CUBN: variants seen among roughly 807,000 people sequenced by gnomAD.
CUBN encodes the protein 460 kDa receptor.
Under a neutral mutation model 405.3 loss-of-function variants are expected in CUBN, and 282 were observed. That is an observed-to-expected ratio of 0.70 (90% CI 0.63 to 0.77). The LOEUF (loss-of-function observed/expected upper bound fraction) is 0.77. Among genes scored for constraint, CUBN ranks in the 30% least tolerant of loss-of-function variants. The pLI is 0.00. For synonymous variants in CUBN, 1,684 were observed against 1,617.0 expected (o/e 1.04, Z -0.99); for missense variants, 4,514 against 4,475.2 (o/e 1.01, Z -0.25).
At chr10:17,026,208 T>C (rs1384701934) in intron 27 of CUBN, among the ~76,000 whole-genome samples, 4 of 152,164 alleles carry the variant, frequency 2.6e-5, no homozygotes, top group African/African-American at 9.7e-5. Flanking sequence ...TTAGGGTGAT[T>C]GTTAAAAATG....
chr10:17,000,239 T>C (rs1159293531), intron 28 of CUBN, among the ~76,000 whole-genome samples: 4 of 152,232 alleles, frequency 2.6e-5, no homozygotes, highest in African/African-American at 9.6e-5. Context: ...TAAGCGAGTT[T>C]GTATAACTAA....
intron 51 of CUBN, among the ~76,000 whole-genome samples, chr10:16,903,497 C>T (rs1479390160): frequency 6.6e-6 from 1 of 151,638 alleles, no homozygotes; most frequent in African/African-American, 2.4e-5. Context: ...GAAGTTTACA[C>T]AGAAAGATCA....
chr10:17,123,631 T>C lies in CUBN; in HGVS notation c.446A>G (p.Asn149Ser), dbSNP rs1163267892. The C allele has an allele frequency of 1.2e-6, 2 of 1,614,066 alleles. No individual in the cohort carries two copies. Among genetic ancestry groups the C allele is most frequent in the South Asian group, 1.1e-5 (1 of 91,018 alleles). Residue 149 changes from asparagine (N) to serine (S), a missense_variant, in exon 5 of 67, where the codon AAT becomes AGT. Asn to Ser is a conservative substitution (Grantham distance 46). This residue lies in a region of CUBN where 1,448 missense variants were observed against 1,388.0 expected (regional missense o/e 1.04). Transcript: ENST00000377833. ...NPCQNGGTCLNLHDSFFCICP... is the reference protein window; with the variant it reads ...NPCQNGGTCLSLHDSFFCICP... ...GATACAAAAAAAGGAATCATGCAGA[T>C]TGAGGCAGGTTCCACCATTCTGGCA...
chr10:16,874,591 A>G (rs1006655091), intron 57 of CUBN, 88 bp from the exon 58 acceptor site: 1 of 1,508,026 alleles, frequency 6.6e-7, no homozygotes, highest in Non-Finnish European at 9.2e-7. Flanking sequence ...ACTATTGTAC[A>G]TTTTTCCCTA....
intron 62 of CUBN, among the ~76,000 whole-genome samples, chr10:16,837,841 G>T (rs756777783): frequency 4.6e-5 from 7 of 152,110 alleles, no homozygotes; most frequent in Non-Finnish European, 7.4e-5. Context: ...ACATTATTCA[G>T]TCATGACAAA....
At chr10:16,905,752 T>C (rs1401910343) in intron 50 of CUBN, among the ~76,000 whole-genome samples, 1 of 152,146 alleles carries the variant, frequency 6.6e-6, no homozygotes, top group Admixed American at 6.6e-5. Flanking sequence ...CAGAGTTCTT[T>C]TGGATCGTGT....
rs1242139354 is a variant in CUBN, at chr10:16,831,312, T to G, written c.10468A>C (p.Lys3490Gln). The change falls in exon 65 of 67, where the codon AAG (lysine) becomes CAG (glutamine). Residue 3490 changes from lysine to glutamine, a missense_variant. Lys to Gln is a moderately conservative substitution (Grantham distance 53). Transcript: ENST00000377833. ...SQNNELYLRF[K>Q]SDSVTSDRGY... Reference sequence around the variant, plus strand: ...CGATCAGAAGTTACACTATCACTCTTAAATCGTAGGTATAGTTCATTATTT... The same window carrying G: ...CGATCAGAAGTTACACTATCACTCTGAAATCGTAGGTATAGTTCATTATTT... The G allele has an allele frequency of 6.2e-7, 1 of 1,613,886 alleles. No individual in the cohort carries two copies. The highest frequency in any genetic ancestry group is 8.5e-7 in the Non-Finnish European group (1 of 1,179,740).
intron 28 of CUBN, among the ~76,000 whole-genome samples, chr10:17,005,183 C>T (rs1351955551): frequency 6.6e-6 from 1 of 152,140 alleles, no homozygotes; most frequent in Middle Eastern, 3.2e-3. Context: ...TGTGATGTTT[C>T]CTATCAGTTG....
intron 27 of CUBN, among the ~76,000 whole-genome samples, chr10:17,026,737 T>C (rs2131798389): frequency 6.6e-6 from 1 of 151,904 alleles, no homozygotes; most frequent in East Asian, 1.9e-4. Flanking sequence ...CAAATCATGG[T>C]GGATAAATGA....
At chr10:17,016,171 G>GCTCA (rs1564479888) in intron 28 of CUBN, among the ~76,000 whole-genome samples, 2 of 151,172 alleles carry the variant, frequency 1.3e-5, no homozygotes, top group African/African-American at 2.4e-5. Flanking sequence ...ATAGCCACTT[G>GCTCA]AGGAAGGCAG....
intron 49 of CUBN, 133 bp downstream of exon 49, chr10:16,907,375 G>T: frequency 1.1e-6 from 1 of 913,106 alleles, no homozygotes; most frequent in Non-Finnish European, 1.7e-6. Flanking sequence ...CTGCTTATGT[G>T]TGTTTGTCTT....
chr10:16,919,888 T>TG (rs1841984022), intron 44 of CUBN, 75 bp downstream of exon 44: 2 of 1,453,416 alleles, frequency 1.4e-6, no homozygotes, highest in African/African-American at 2.8e-5. Context: ...CTGAAAGAAA[T>TG]GGACTGTTTT....
In CUBN at chr10:16,982,477, CACTT is replaced by C; in HGVS notation, c.4695+3_4695+6del. 1 of 1,610,914 alleles carries C rather than the reference CACTT, an allele frequency of 6.2e-7. No individual in the cohort carries two copies. The highest frequency in any genetic ancestry group is 8.5e-7 in the Non-Finnish European group (1 of 1,177,312). ...TGGAGACAATGCTTGAAATTTATGT[CACTT>C]ACCATAATACAAGAGTCTTGTGGTT... On this transcript the variant is annotated splice_donor_5th_base_variant and intron_variant, in intron 31 of 66. Coordinates refer to ENST00000377833, the MANE Select transcript of CUBN (RefSeq NM_001081.4).
Position 16,939,055 on chromosome 10 carries a change from T to C in CUBN, c.5641A>G (p.Thr1881Ala), listed in dbSNP as rs750420557. 6.2e-7 allele frequency: 1 copy of C among 1,613,808 alleles called. No individual in the cohort carries two copies. The highest frequency in any genetic ancestry group is 8.5e-7 in the Non-Finnish European group (1 of 1,179,712). ...NYPHNSNYQW[T>A]VNVNASHVVH... ...ACGTGAGATGCATTCACATTTACTG[T>C]CCATTGGTAATTGGAGTTATGTGGG... is the stretch of plus-strand genomic sequence containing the variant. The change falls in exon 38 of 67, where the codon ACA (threonine) becomes GCA (alanine). Residue 1881 changes from threonine to alanine, a missense_variant. Around this residue, in one of 5 missense-constraint regions of CUBN, gnomAD observed 1,613 missense variants for 1,542.8 expected, o/e 1.05. Transcript: ENST00000377833.
intron 31 of CUBN, among the ~76,000 whole-genome samples, chr10:16,977,772 C>G (rs1833142794): frequency 6.6e-6 from 1 of 152,154 alleles, no homozygotes; most frequent in African/African-American, 2.4e-5. Flanking sequence ...ACCATGGGGC[C>G]CGGAGTCCAG....
rs1833352114 is a variant in CUBN, at chr10:16,984,087, C to T, written c.4525+18G>A. The T allele has an allele frequency of 9.9e-6, 16 of 1,614,018 alleles. No homozygotes were observed. The highest frequency in any genetic ancestry group is 1.4e-5 in the Non-Finnish European group (16 of 1,179,898). Reference sequence around the variant, plus strand: ...GGCTCGGCTTAAGTACTTTAGGAAACCTCCTTTTCTCACTCACCTCCAGTG... The same window carrying T: ...GGCTCGGCTTAAGTACTTTAGGAAATCTCCTTTTCTCACTCACCTCCAGTG... On this transcript the variant is annotated intron_variant, in intron 30 of 66. Coordinates refer to ENST00000377833, the MANE Select transcript of CUBN (RefSeq NM_001081.4).
intron 59 of CUBN, among the ~76,000 whole-genome samples, chr10:16,854,910 T>TTTCC (rs200872755): frequency 0.05 from 7,512 of 150,450 alleles, 222 homozygotes; most frequent in Non-Finnish European, 0.065. Context: ...TCCTCCCTCC[T>TTTCC]TTCCTTCCTT....
At chr10:17,065,129 T>TCCCCC (rs11368099) in intron 22 of CUBN, among the ~76,000 whole-genome samples, 3 of 121,526 alleles carry the variant, frequency 2.5e-5, no homozygotes, top group Admixed American at 8.2e-5. Context: ...TCTCTCTCTC[T>TCCCCC]CCCCCCCCCC....
At chr10:17,021,030 T>A (rs542511373) in intron 27 of CUBN, among the ~76,000 whole-genome samples, 2 of 152,346 alleles carry the variant, frequency 1.3e-5, no homozygotes, top group East Asian at 1.9e-4. Context: ...ATGATGACGA[T>A]CATGTTTTAA....
Sources: allele counts gnomAD v4.1 joint callset (sites outside exome capture counted in the v4.1 genomes callset), GRCh38; gene constraint gnomAD v4.1.1; regional missense constraint gnomAD v4.1.1; transcripts MANE v1.5; gene names NCBI Gene and HGNC (gene_info 2026-07-23, HGNC 2026-07-21).